The following DNAJC13 variants were observed in gnomAD, a reference collection of about 807,000 sequenced individuals.
DNAJC13 encodes the protein DnaJ heat shock protein family (Hsp40) member C13.
In DNAJC13, 75 loss-of-function variants were observed where a neutral mutation model predicts 290.5. The observed-to-expected ratio is 0.26, with a 90% confidence interval of 0.21 to 0.31. DNAJC13 has a LOEUF of 0.31. Ranked by LOEUF, DNAJC13 falls within the 10% of genes least tolerant of loss-of-function variation. The pLI is 1.00. For missense variants in DNAJC13, 2,260 were observed against 2,674.5 expected (o/e 0.85, Z 3.42); for synonymous variants, 862 against 892.0 (o/e 0.97, Z 0.60).
At chr3:132,447,204 C>A in intron 3 of DNAJC13, 117 bp from the exon 4 acceptor site, 1 of 889,512 alleles carries the variant, frequency 1.1e-6, no homozygotes, top group Non-Finnish European at 1.6e-6. Flanking sequence ...AATTTCTAGA[C>A]TCTATTTTAT....
rs555123060 is a variant in DNAJC13 at position 132,505,830 on chromosome 3, G to T, written c.4998+415G>T. On this transcript the variant is annotated intron_variant, in intron 42 of 55. Coordinates refer to ENST00000260818, the MANE Select transcript of DNAJC13 (RefSeq NM_015268.4). ...GCAGTAGGATGGGCAATAAGGAGAA[G>T]ACCTGGATAATCCATACACTAGATG... is the stretch of plus-strand genomic sequence containing the variant. Among the ~76,000 whole-genome samples the T allele has an allele frequency of 3.3e-4, 50 of 152,104 alleles. 1 individual carries two copies. In the South Asian group the frequency reaches 0.01, roughly 32 times the overall value.
chr3:132,519,686 T>C (rs1023603531), intron 48 of DNAJC13, among the ~76,000 whole-genome samples: 1 of 152,162 alleles, frequency 6.6e-6, no homozygotes, highest in Non-Finnish European at 1.5e-5. Context: ...GTTACAAAGA[T>C]TTATGGCTAT....
chr3:132,493,191 A>G (rs1559896077), intron 33 of DNAJC13, among the ~76,000 whole-genome samples: 1 of 151,974 alleles, frequency 6.6e-6, no homozygotes, highest in Non-Finnish European at 1.5e-5. Flanking sequence ...GTAAAACAGT[A>G]TATACACTGT....
rs769263702 is a variant in DNAJC13 at position 132,480,465 on chromosome 3, C to T, written c.2869C>T (p.Leu957=). The change falls in exon 26 of 56, where the codon CTG becomes TTG. Residue 957 remains leucine (L), a synonymous_variant. Coordinates refer to ENST00000260818, the MANE Select transcript of DNAJC13 (RefSeq NM_015268.4). ...HLHVSRATVP[L]QSNVIEAAPD... ...CCATGTAAGCCGAGCTACAGTACCA[C>T]TGCAAGTACGTATCCTTGTTTACGT... 29 of 1,605,938 alleles carry T rather than the reference C, an allele frequency of 1.8e-5. No individual in the cohort carries two copies. The South Asian group carries it at 3.1e-4, about 17-fold the overall frequency.
At chr3:132,474,196 A>G (rs1934382283) in intron 21 of DNAJC13, 1 of 151,498 alleles carries the variant, frequency 6.6e-6, no homozygotes, top group African/African-American at 2.4e-5. Context: ...TATCTCCCCA[A>G]CCTAAAGTTT....
At position 132,461,320 on chromosome 3, in the gene DNAJC13, T is replaced by C. The variant is rs1406606689; in HGVS notation, c.1713+115T>C. On this transcript the variant is annotated intron_variant, in intron 15 of 55. Transcript: ENST00000260818. ...TCTATAGCAGAGGTGTCCAGTCGTT[T>C]GGCTTTCCTGGGCCACACTGAAAGA... 15 of 1,119,342 alleles carry C rather than the reference T, an allele frequency of 1.3e-5. 1 individual carries two copies. In the Admixed American group the frequency reaches 2.3e-4, roughly 17 times the overall value. The allele number at this position is 1,119,342 out of a possible 1,614,324, so 69.3% of individuals were successfully genotyped here.
intron 26 of DNAJC13, among the ~76,000 whole-genome samples, chr3:132,481,403 A>G (rs1576488890): frequency 6.7e-6 from 1 of 150,230 alleles, no homozygotes; most frequent in East Asian, 2.1e-4. Context: ...GCCTAAGCAA[A>G]TTGGCAAAAC....
chr3:132,507,657 CT>C, intron 43 of DNAJC13, among the ~76,000 whole-genome samples: 1 of 152,002 alleles, frequency 6.6e-6, no homozygotes, highest in East Asian at 1.9e-4. Context: ...GTTGCTCTTG[CT>C]AATTGTTTAC....
At chr3:132,418,110 C>T (rs1476847360) in intron 1 of DNAJC13, among the ~76,000 whole-genome samples, 1 of 152,170 alleles carries the variant, frequency 6.6e-6, no homozygotes, top group East Asian at 1.9e-4. Flanking sequence ...CTTCCAGTCT[C>T]CTAGTCTGAG....
intron 8 of DNAJC13, 108 bp from the exon 9 acceptor site, chr3:132,453,958 C>T: frequency 1.1e-6 from 1 of 907,372 alleles, no homozygotes; most frequent in Non-Finnish European, 1.7e-6. Flanking sequence ...GTAAACAAGT[C>T]ACATCTTAAA....
chr3:132,483,087 C>T (rs1934733989), intron 27 of DNAJC13, among the ~76,000 whole-genome samples: 1 of 152,138 alleles, frequency 6.6e-6, no homozygotes, highest in South Asian at 2.1e-4. Context: ...GGAGGACCAA[C>T]CATTCTGCTC....
rs951154112 is a variant in DNAJC13 at position 132,451,834 on chromosome 3, G to A, written c.537+987G>A. Among the ~76,000 whole-genome samples the A allele has an allele frequency of 2.6e-5, 4 of 152,214 alleles. 1 individual carries two copies. The highest frequency in any genetic ancestry group is 2.6e-4 in the Admixed American group (4 of 15,282). On this transcript the variant is annotated intron_variant, in intron 6 of 55. Transcript: ENST00000260818. ...AATGATGGGGGCTAGATAATCTGAT[G>A]TAGAAATATAGTTGGTTCTTCAGAG...
At chr3:132,448,959 A>C (rs1208500447) in intron 5 of DNAJC13, among the ~76,000 whole-genome samples, 1 of 152,182 alleles carries the variant, frequency 6.6e-6, no homozygotes, top group Admixed American at 6.5e-5. Flanking sequence ...TTGGGAAACA[A>C]CTGCTTTCAA....
At position 132,531,127 on chromosome 3, in the gene DNAJC13, A is replaced by T. The variant is rs760808578; in HGVS notation, c.6625+30A>T. The T allele has an allele frequency of 3.1e-6, 5 of 1,598,632 alleles. No individual in the cohort carries two copies. In the African/African-American group the frequency reaches 6.7e-5, roughly 21 times the overall value. ...GCCATACCTAATTGGTTATTGTAAG[A>T]CACCTGGCAGAAGCCACTTGGACCT... On this transcript the variant is annotated intron_variant, in intron 55 of 55. Coordinates refer to ENST00000260818, the MANE Select transcript of DNAJC13 (RefSeq NM_015268.4).
intron 34 of DNAJC13, among the ~76,000 whole-genome samples, chr3:132,494,464 C>A (rs1345597763): frequency 6.6e-6 from 1 of 152,186 alleles, no homozygotes; most frequent in African/African-American, 2.4e-5. Context: ...CCTCTTCTTG[C>A]TGGTACATTC....
intron 24 of DNAJC13, among the ~76,000 whole-genome samples, chr3:132,478,377 T>G (rs977164290): frequency 6.6e-6 from 1 of 152,232 alleles, no homozygotes; most frequent in Non-Finnish European, 1.5e-5. Flanking sequence ...ATGACTTTAG[T>G]TGACCTACTT....
chr3:132,536,609 T>A (rs377157292), intron 55 of DNAJC13, among the ~76,000 whole-genome samples: 23 of 152,348 alleles, frequency 1.5e-4, no homozygotes, highest in African/African-American at 1.7e-4. Context: ...GAGGTCTTAC[T>A]GTTAAGGGTT....
At chr3:132,425,905 G>A (rs531985729) in intron 1 of DNAJC13, among the ~76,000 whole-genome samples, 5 of 152,144 alleles carry the variant, frequency 3.3e-5, no homozygotes, top group Admixed American at 1.3e-4. Flanking sequence ...AGTGTCTGTG[G>A]TGTTGAGTCC....
At chr3:132,499,379 A>G in intron 37 of DNAJC13, 69 bp downstream of exon 37, 1 of 1,305,146 alleles carries the variant, frequency 7.7e-7, no homozygotes. Context: ...GGCAGTGAAG[A>G]ATTCAGCAAG....
Sources: allele counts gnomAD v4.1 joint callset (sites outside exome capture counted in the v4.1 genomes callset), GRCh38; gene constraint gnomAD v4.1.1; transcripts MANE v1.5; gene names NCBI Gene and HGNC (gene_info 2026-07-23, HGNC 2026-07-21).